The following TECTA variants were observed in gnomAD, a reference collection of about 807,000 sequenced individuals.
TECTA encodes alpha-tectorin.
A neutral mutation model predicts 216.8 loss-of-function variants in TECTA; 128 were observed. The observed-to-expected ratio is 0.59, with a 90% CI of 0.51 to 0.68. TECTA has a LOEUF of 0.68. TECTA is among the 30% of genes least tolerant of loss of function. The pLI, the probability that TECTA is intolerant of heterozygous loss-of-function variation, is 0.00. For synonymous variants in TECTA, 1,089 were observed against 1,117.1 expected, an observed-to-expected ratio of 0.97 and a Z score of 0.50; for missense variants, 2,551 against 2,786.2, an observed-to-expected ratio of 0.92 and a Z score of 1.90.
At position 121,146,115 on chromosome 11, in the gene TECTA, C is replaced by A. The variant is rs758896808; in HGVS notation, c.4104C>A (p.Cys1368Ter). The A allele has an allele frequency of 6.2e-7, 1 of 1,606,898 alleles. No individual in the cohort carries two copies. Among genetic ancestry groups the A allele is most frequent in the Non-Finnish European group, 8.5e-7 (1 of 1,179,998 alleles). The change falls in exon 12 of 24, where the codon TGC becomes TGA. Residue 1368 changes from cysteine (C) to a stop codon, truncating the protein, a stop_gained and splice_region_variant. Transcript: ENST00000392793. LOFTEE classifies it high-confidence loss of function. ...TVTGWRNYTSCTVTCPPNSHY... is the reference protein window; with the variant it reads ...TVTGWRNYTS The stretch of plus-strand genomic sequence containing the variant: ...CTGGCTGGAGGAATTACACGTCCTG[C>A]AGTGAGTCCTTCTCGTTGTCCCTCC...
intron 20 of TECTA, among the ~76,000 whole-genome samples, chr11:121,180,243 AT>A (rs1395141686): frequency 6.6e-6 from 1 of 151,758 alleles, no homozygotes; most frequent in African/African-American, 2.4e-5. Flanking sequence ...GTGTGTTTTT[AT>A]TATGTCATAT....
rs1398748614 is a variant in TECTA at position 121,105,929 on chromosome 11, G to A, written c.163G>A (p.Val55Ile). The stretch of plus-strand genomic sequence containing the variant: ...ATCTGAGATTAAGTTGGCCATCCCA[G>A]TTTTCTTCTTTGGCGTTCCTTACCG... Reference protein sequence around the residue: ...SSSEIKLAIPVFFFGVPYRTV... With the variant: ...SSSEIKLAIPIFFFGVPYRTV... Residue 55 changes from valine to isoleucine, a missense_variant, in exon 3 of 24, where the codon GTT (valine) becomes ATT (isoleucine). Transcript: ENST00000392793. The surrounding 1 kb of genome is among the most constrained non-coding windows in gnomAD (Gnocchi z 5.3). 3.7e-6 allele frequency: 6 copies of A among 1,614,118 alleles called. No individual in the cohort carries two copies. The African/African-American group carries it at 5.3e-5, about 14-fold the overall frequency.
In TECTA at chr11:121,145,698, C is replaced by T. The variant is rs370547777; in HGVS notation, c.3687C>T (p.Val1229=). ...YDWKTFLSIT[V]PRSMQNSTYG... is the part of the protein sequence containing the mutation. The stretch of plus-strand genomic sequence containing the variant: ...GGAAGACCTTCCTGTCCATCACAGT[C>T]CCTCGGAGCATGCAGAACAGCACCT... Residue 1229 remains valine, a synonymous_variant, in exon 12 of 24, where the codon GTC becomes GTT. Coordinates refer to ENST00000392793, the MANE Select transcript of TECTA (RefSeq NM_005422.4). The T allele has an allele frequency of 6.8e-6, 11 of 1,614,208 alleles. No individual in the cohort carries two copies. Among genetic ancestry groups the T allele is most frequent in the Non-Finnish European group, 9.3e-6 (11 of 1,180,042 alleles).
In TECTA at chr11:121,157,925, T is replaced by C; in HGVS notation, c.4390T>C (p.Cys1464Arg). The change falls in exon 14 of 24, where the codon TGC (cysteine) becomes CGC (arginine). Residue 1464 changes from cysteine to arginine, a missense_variant. This residue lies in a region of TECTA where 2,375 missense variants were observed against 2,563.9 expected (regional missense o/e 0.93). Coordinates refer to ENST00000392793, the MANE Select transcript of TECTA (RefSeq NM_005422.4). ...RNVIQCDPRQ[C>R]KSDEECALRN... is the part of the protein sequence containing the mutation. ...CGTGATTCAGTGCGACCCGCGCCAATGCAAGTCAGACGAGGAGTGTGCGCT... is the reference window on the plus strand; with the variant it reads ...CGTGATTCAGTGCGACCCGCGCCAACGCAAGTCAGACGAGGAGTGTGCGCT... The C allele has an allele frequency of 5.0e-6, 8 of 1,614,190 alleles. No individual in the cohort carries two copies. The highest frequency in any genetic ancestry group is 1.1e-5 in the South Asian group (1 of 91,092).
chr11:121,187,011 T>C (rs900928268), intron 20 of TECTA, among the ~76,000 whole-genome samples: 2 of 152,186 alleles, frequency 1.3e-5, no homozygotes, highest in Non-Finnish European at 2.9e-5. Context: ...CAGAGGGCTG[T>C]TGGCAAACTC....
In TECTA at chr11:121,127,915, T is replaced by C. The variant is rs1946629720; in HGVS notation, c.1938T>C (p.Pro646=). 6.2e-7 allele frequency: 1 copy of C among 1,614,006 alleles called. No individual in the cohort carries two copies. The highest frequency in any genetic ancestry group is 8.5e-7 in the Non-Finnish European group (1 of 1,180,030). ...TCCTCAGCACCAGCCAGTGCGTCCC[T>C]CTGCACAAGTGCGGCTGCGACTTCG... ...GFVLSTSQCV[P]LHKCGCDFDG... The change falls in exon 9 of 24, where the codon CCT becomes CCC. Residue 646 remains proline (P), a synonymous_variant. Coordinates refer to ENST00000392793, the MANE Select transcript of TECTA (RefSeq NM_005422.4). The surrounding 1 kb of genome is among the most constrained non-coding windows in gnomAD (Gnocchi z 5.0).
At chr11:121,135,204 A>G (rs867481672) in intron 10 of TECTA, among the ~76,000 whole-genome samples, 14 of 152,194 alleles carry the variant, frequency 9.2e-5, no homozygotes, top group African/African-American at 3.4e-4. Context: ...CAGGAACACA[A>G]TCTTCTTTGA....
intron 20 of TECTA, among the ~76,000 whole-genome samples, chr11:121,179,599 C>T (rs1441464481): frequency 6.6e-6 from 1 of 151,830 alleles, no homozygotes; most frequent in Non-Finnish European, 1.5e-5. Context: ...ATTTTCTTTC[C>T]AATGTTGAGA....
chr11:121,169,837 G>C (rs1330989885), intron 20 of TECTA, among the ~76,000 whole-genome samples: 1 of 152,158 alleles, frequency 6.6e-6, no homozygotes, highest in African/African-American at 2.4e-5. Flanking sequence ...CTATCACCTT[G>C]AATATGTATC....
intron 4 of TECTA, among the ~76,000 whole-genome samples, chr11:121,111,817 C>T (rs1236178434): frequency 1.3e-5 from 2 of 152,202 alleles, no homozygotes; most frequent in Non-Finnish European, 2.9e-5. Context: ...TTGAATGGGG[C>T]CAGAGACTGA....
Position 121,128,192 on chromosome 11 carries a change from C to T in TECTA, c.2215C>T (p.Leu739Phe). 6.2e-7 allele frequency: 1 copy of T among 1,607,276 alleles called. No homozygotes were observed. Among genetic ancestry groups the T allele is most frequent in the Non-Finnish European group, 8.5e-7 (1 of 1,179,988 alleles). Residue 739 changes from leucine (L) to phenylalanine (F), a missense_variant, in exon 9 of 24, where the codon CTC becomes TTC. Around this residue, in one of 3 missense-constraint regions of TECTA, gnomAD observed 2,375 missense variants for 2,563.9 expected, o/e 0.93. Transcript: ENST00000392793. ...YAFPSEFSYT[L>F]LKTCPERPEY... is the part of the protein sequence containing the mutation. The stretch of plus-strand genomic sequence containing the variant: ...CTTCCCCTCCGAGTTCTCCTACACC[C>T]TCCTGAAGACCTGCCCTGAGCGCCC...
chr11:121,182,372 T>C (rs1045385527), intron 20 of TECTA, among the ~76,000 whole-genome samples: 4 of 151,060 alleles, frequency 2.6e-5, no homozygotes, highest in Non-Finnish European at 5.9e-5. Flanking sequence ...AGGTGGCACA[T>C]TGGTGAGTTC....
At chr11:121,141,355 G>A (rs1195915388) in intron 11 of TECTA, among the ~76,000 whole-genome samples, 1 of 152,210 alleles carries the variant, frequency 6.6e-6, no homozygotes, top group African/African-American at 2.4e-5. Context: ...CCTTAGAAAT[G>A]GAGGGTGATA....
At chr11:121,188,035 T>G in intron 21 of TECTA, 41 bp downstream of exon 21, 1 of 1,611,364 alleles carries the variant, frequency 6.2e-7, no homozygotes, top group Non-Finnish European at 8.5e-7. Flanking sequence ...GCCTTATTTC[T>G]CACTGTCTTG....
rs762454511 is a variant in TECTA, at chr11:121,125,555, T to C, written c.1457T>C (p.Leu486Pro). 1 of 1,614,156 alleles carries C rather than the reference T, an allele frequency of 6.2e-7. No individual in the cohort carries two copies. Among genetic ancestry groups the C allele is most frequent in the Non-Finnish European group, 8.5e-7 (1 of 1,180,038 alleles). The change falls in exon 8 of 24, where the codon CTG (leucine) becomes CCG (proline). Residue 486 changes from leucine (L) to proline (P), a missense_variant. Around this residue, in one of 3 missense-constraint regions of TECTA, gnomAD observed 2,375 missense variants for 2,563.9 expected, o/e 0.93. Coordinates refer to ENST00000392793, the MANE Select transcript of TECTA (RefSeq NM_005422.4). ...DGRPAMSVLD[L>P]GESWRVYHAD... ...AGGCCGGCCATGTCTGTCCTGGATC[T>C]GGGAGAGAGCTGGCGTGTGTACCAC... is the stretch of plus-strand genomic sequence containing the variant.
intron 20 of TECTA, among the ~76,000 whole-genome samples, chr11:121,173,359 T>C (rs1043025028): frequency 2.0e-5 from 3 of 147,798 alleles, no homozygotes; most frequent in Non-Finnish European, 3.0e-5. Context: ...CTTGAATTAA[T>C]TTTTGTATAA....
In TECTA at chr11:121,168,900, C is replaced by T. The variant is rs1189647725; in HGVS notation, c.5974C>T (p.Leu1992Phe). Residue 1992 changes from leucine to phenylalanine, a missense_variant, in exon 20 of 24, where the codon CTC (leucine) becomes TTC (phenylalanine). Leu to Phe is a conservative substitution (Grantham distance 22, BLOSUM62 0). Transcript: ENST00000392793. ...ACCCACCCGAGATAGCAATGATAAG[C>T]TCCGATATTTCATCATTGAAGGAGG... The part of the protein sequence containing the change: ...ATPTRDSNDK[L>F]RYFIIEGGCQ... 1 of 1,614,104 alleles carries T rather than the reference C, an allele frequency of 6.2e-7. No homozygotes were observed. Among genetic ancestry groups the T allele is most frequent in the Admixed American group, 1.7e-5 (1 of 60,010 alleles).
At position 121,105,098 on chromosome 11, in the gene TECTA, G is replaced by C. The variant is rs538373674; in HGVS notation, c.65-733G>C. ...GCAAGCCAGGAGAGGAGGTGACCCTGTCACAGCGGGATGCAGTGTGTGTTT... is the reference window on the plus strand; with the variant it reads ...GCAAGCCAGGAGAGGAGGTGACCCTCTCACAGCGGGATGCAGTGTGTGTTT... On this transcript the variant is annotated intron_variant, in intron 2 of 23. Coordinates refer to ENST00000392793, the MANE Select transcript of TECTA (RefSeq NM_005422.4). The surrounding 1 kb of genome is among the most constrained non-coding windows in gnomAD (Gnocchi z 5.3). Among the ~76,000 whole-genome samples, 1 of 152,308 alleles carries C rather than the reference G, an allele frequency of 6.6e-6. No individual in the cohort carries two copies. Among genetic ancestry groups the C allele is most frequent in the Admixed American group, 6.5e-5 (1 of 15,308 alleles).
At chr11:121,137,398 G>T (rs770304308) in intron 10 of TECTA, 23 bp from the exon 11 acceptor site, 14 of 1,613,504 alleles carry the variant, frequency 8.7e-6, no homozygotes, top group Non-Finnish European at 1.1e-5. Context: ...TCTCAAACCC[G>T]TCTTCTCCTT....
Sources: allele counts gnomAD v4.1 joint callset (sites outside exome capture counted in the v4.1 genomes callset), GRCh38; gene constraint gnomAD v4.1.1; regional missense constraint gnomAD v4.1.1; non-coding constraint Gnocchi (gnomAD v3.1); transcripts MANE v1.5; gene names NCBI Gene and HGNC (gene_info 2026-07-23, HGNC 2026-07-21).